ZNF423: variants seen among roughly 807,000 people sequenced by gnomAD.
ZNF423 encodes the protein Ebf-associated zinc finger protein.
A neutral mutation model predicts 95.8 loss-of-function variants in ZNF423; 12 were observed. The ratio of observed to expected loss-of-function variants is 0.13; its 90% confidence interval spans 0.08 to 0.20. The LOEUF is 0.20. ZNF423 is among the 10% of genes least tolerant of loss of function. The pLI, the probability that ZNF423 is intolerant of heterozygous loss-of-function variation, is 1.00. For synonymous variants in ZNF423, 749 were observed against 711.9 expected (o/e 1.05, Z -0.83); for missense variants, 1,316 against 1,737.1 (o/e 0.76, Z 4.31).
At chr16:49,498,051 GA>G (rs1967233986) in intron 7 of ZNF423, among the ~76,000 whole-genome samples, 1 of 152,196 alleles carries the variant, frequency 6.6e-6, no homozygotes, top group Admixed American at 6.5e-5. Flanking sequence ...GAGCTTGAGA[GA>G]TGGTTTTCCA....
At chr16:49,817,809 T>G (rs1014808953) in intron 1 of ZNF423, among the ~76,000 whole-genome samples, 20 of 151,984 alleles carry the variant, frequency 1.3e-4, no homozygotes, top group African/African-American at 4.8e-4. Context: ...CCCTACTAGA[T>G]GAGTGTGTCG....
intron 3 of ZNF423, among the ~76,000 whole-genome samples, chr16:49,649,393 T>G (rs1973303395): frequency 6.6e-6 from 1 of 152,194 alleles, no homozygotes; most frequent in Admixed American, 6.5e-5. Flanking sequence ...TAATGATGTC[T>G]GTGCCTGCCC....
chr16:49,752,011 A>G (rs2033641348), intron 2 of ZNF423, among the ~76,000 whole-genome samples: 1 of 152,198 alleles, frequency 6.6e-6, no homozygotes, highest in Non-Finnish European at 1.5e-5. Flanking sequence ...AATGCAGAGC[A>G]GCAGCTCATC....
chr16:49,800,814 G>A (rs540229595), intron 1 of ZNF423, among the ~76,000 whole-genome samples: 4 of 152,272 alleles, frequency 2.6e-5, no homozygotes, highest in South Asian at 2.1e-4. Context: ...TGCCAGCCAC[G>A]GAATCCCAGG....
chr16:49,528,484 G>A (rs141401220), intron 5 of ZNF423, among the ~76,000 whole-genome samples: 2 of 152,096 alleles, frequency 1.3e-5, no homozygotes, highest in Non-Finnish European at 2.9e-5. Context: ...TGTGTGTCTC[G>A]GGACCCTTTC....
At chr16:49,625,390 GGCT>G (rs1291096230) in intron 5 of ZNF423, among the ~76,000 whole-genome samples, 2 of 152,316 alleles carry the variant, frequency 1.3e-5, no homozygotes, top group Admixed American at 1.3e-4. Flanking sequence ...TTCAACCCAT[GGCT>G]GCAACTTCAC....
intron 1 of ZNF423, among the ~76,000 whole-genome samples, chr16:49,841,492 G>C (rs576453184): frequency 6.6e-6 from 1 of 152,190 alleles, no homozygotes; most frequent in Non-Finnish European, 1.5e-5. Context: ...TGCCCGTAAC[G>C]TGCATAGCCC....
chr16:49,504,415 C>G (rs1216268505), intron 7 of ZNF423, among the ~76,000 whole-genome samples: 1 of 152,190 alleles, frequency 6.6e-6, no homozygotes, highest in East Asian at 1.9e-4. Flanking sequence ...AACCCCATCT[C>G]TACCAAAAAT....
At chr16:49,795,906 G>C (rs1253735782) in intron 1 of ZNF423, among the ~76,000 whole-genome samples, 1 of 152,186 alleles carries the variant, frequency 6.6e-6, no homozygotes, top group Non-Finnish European at 1.5e-5. Context: ...CCCTGTGTGA[G>C]TCAAGATCCT....
intron 1 of ZNF423, among the ~76,000 whole-genome samples, chr16:49,802,601 G>A (rs1253241816): frequency 6.6e-6 from 1 of 152,214 alleles, no homozygotes; most frequent in Admixed American, 6.5e-5. Context: ...GGAGGAAGGA[G>A]AGAAGGGGCT....
chr16:49,724,377 T>C (rs2143301679), intron 3 of ZNF423, among the ~76,000 whole-genome samples: 1 of 152,314 alleles, frequency 6.6e-6, no homozygotes, highest in East Asian at 1.9e-4. Context: ...CCCTAGCCTT[T>C]TGCGCCATGT....
At chr16:49,596,556 A>T (rs925937234) in intron 5 of ZNF423, among the ~76,000 whole-genome samples, 13 of 152,242 alleles carry the variant, frequency 8.5e-5, no homozygotes, top group African/African-American at 2.9e-4. Context: ...AATTGAGAGC[A>T]GGCGATTTTT....
At chr16:49,766,716 TA>T (rs2033935610) in intron 2 of ZNF423, among the ~76,000 whole-genome samples, 1 of 152,188 alleles carries the variant, frequency 6.6e-6, no homozygotes, top group Non-Finnish European at 1.5e-5. Context: ...ATCTCGGCAA[TA>T]AAAGCAACAG....
At chr16:49,562,022 G>GT (rs1384418149) in intron 5 of ZNF423, among the ~76,000 whole-genome samples, 1 of 152,180 alleles carries the variant, frequency 6.6e-6, no homozygotes, top group African/African-American at 2.4e-5. Context: ...ACAGTAGTGA[G>GT]TGGCTTCTGT....
At chr16:49,511,411 C>T (rs1471346236) in intron 7 of ZNF423, among the ~76,000 whole-genome samples, 1 of 152,240 alleles carries the variant, frequency 6.6e-6, no homozygotes, top group African/African-American at 2.4e-5. Context: ...GCTGCGAACA[C>T]AGGCACTCAT....
At chr16:49,721,347 C>T (rs749916962) in intron 3 of ZNF423, among the ~76,000 whole-genome samples, 1 of 152,168 alleles carries the variant, frequency 6.6e-6, no homozygotes, top group Admixed American at 6.5e-5. Context: ...CAGGCATTCA[C>T]GGCCCCGAAT....
At chr16:49,700,163 T>C (rs1486502501) in intron 3 of ZNF423, among the ~76,000 whole-genome samples, 4 of 124,754 alleles carry the variant, frequency 3.2e-5, no homozygotes, top group African/African-American at 1.3e-4. Context: ...TTCATCGCTT[T>C]GAAAGAAAAA....
At chr16:49,642,621 G>A (rs1340144016) in intron 3 of ZNF423, among the ~76,000 whole-genome samples, 1 of 152,132 alleles carries the variant, frequency 6.6e-6, no homozygotes, top group Non-Finnish European at 1.5e-5. Context: ...AGATTGCCCT[G>A]TTTAAAGTCT....
At chr16:49,782,088 C>T (rs895699751) in intron 2 of ZNF423, among the ~76,000 whole-genome samples, 1 of 152,216 alleles carries the variant, frequency 6.6e-6, no homozygotes, top group East Asian at 1.9e-4. Context: ...GTCTTCAAAA[C>T]ATGTACCTCC....
Sources: gnomAD v4.1 joint callset for allele counts (sites outside exome capture counted in the v4.1 genomes callset) on GRCh38, gnomAD v4.1.1 for gene constraint, MANE v1.5 for transcripts, NCBI Gene and HGNC (gene_info 2026-07-23, HGNC 2026-07-21) for gene names.